PITPNM2: variants seen among roughly 807,000 people sequenced by gnomAD.
PITPNM2 encodes the protein phosphatidylinositol transfer protein membrane associated 2.
In PITPNM2, 35 loss-of-function variants were observed where a neutral mutation model predicts 132.2. That is an observed-to-expected ratio of 0.26 (90% CI 0.20 to 0.35). The LOEUF (loss-of-function observed/expected upper bound fraction) is 0.35. PITPNM2 is among the 10% of genes least tolerant of loss of function. The pLI is 1.00. For synonymous variants in PITPNM2, 738 were observed against 799.2 expected, an observed-to-expected ratio of 0.92 and a Z score of 1.29; for missense variants, 1,332 against 1,912.0, an observed-to-expected ratio of 0.70 and a Z score of 5.66.
rs1464443979 is a variant in PITPNM2 at position 123,097,099 on chromosome 12, G to A, written c.-96+13286C>T. 6.6e-6 allele frequency among the ~76,000 whole-genome samples: 1 copy of A among 152,018 alleles called. No individual in the cohort carries two copies. Among genetic ancestry groups the A allele is most frequent in the African/African-American group, 2.4e-5 (1 of 41,376 alleles). On this transcript the variant is annotated intron_variant, in intron 2 of 25. Transcript: ENST00000320201. The surrounding 1 kb of genome is among the most constrained non-coding windows in gnomAD (Gnocchi z 4.7). ...CTCTTGTCGCCCAGGTTTGAGTGCA[G>A]TGGCACGATCTTGGCTTGCTGCAAC...
chr12:123,075,305 T>A (rs990155955), intron 2 of PITPNM2, among the ~76,000 whole-genome samples: 1 of 152,236 alleles, frequency 6.6e-6, no homozygotes, highest in African/African-American at 2.4e-5. Flanking sequence ...ACCAACAGAC[T>A]TTTTCAAAGC....
chr12:122,997,363 G>A lies in PITPNM2; in HGVS notation c.1434C>T (p.Cys478=), dbSNP rs2038474629. 1.9e-6 allele frequency: 3 copies of A among 1,613,262 alleles called. No homozygotes were observed. The African/African-American group carries it at 4.0e-5, about 22-fold the overall frequency. The change falls in exon 11 of 26, where the codon TGC becomes TGT. Residue 478 remains cysteine (C), a synonymous_variant. Coordinates refer to ENST00000320201, the MANE Select transcript of PITPNM2 (RefSeq NM_020845.3). ...LGRLAIRLVP[C]PPVCSDAFAL... is the part of the protein sequence containing the mutation. The stretch of plus-strand genomic sequence containing the variant: ...CAAAGGCGTCAGAGCAGACGGGCGG[G>A]CAGGGCACCAGGCGGATGGCAAGGC...
chr12:122,988,440 G>C (rs1353806924), intron 19 of PITPNM2, 90 bp from the exon 20 acceptor site: 1 of 1,131,484 alleles, frequency 8.8e-7, no homozygotes, highest in Non-Finnish European at 1.3e-6. Context: ...CCGGGAGCAA[G>C]AGGAGCCTGT....
rs2037826650 is a variant in PITPNM2 at position 122,983,891 on chromosome 12, T to C, written c.*2136A>G. The C allele has an allele frequency of 6.5e-6, 1 of 152,696 alleles. No homozygotes were observed. The allele number at this position is 152,696 out of a possible 1,614,324, so 9.5% of individuals were successfully genotyped here. On this transcript the variant is annotated 3_prime_UTR_variant, in exon 26 of 26. Coordinates refer to ENST00000320201, the MANE Select transcript of PITPNM2 (RefSeq NM_020845.3). Reference sequence around the variant, plus strand: ...AGCCCTGCAGCTCAGCACCCAACTCTGTAAACATTTTTGGTATTTTTAAAG... The same window carrying C: ...AGCCCTGCAGCTCAGCACCCAACTCCGTAAACATTTTTGGTATTTTTAAAG...
intron 1 of PITPNM2, among the ~76,000 whole-genome samples, chr12:123,126,027 G>A (rs371589112): frequency 6.6e-6 from 1 of 150,640 alleles, no homozygotes; most frequent in African/African-American, 2.4e-5. Flanking sequence ...CCGCCACCAC[G>A]CCCAGCTAAT....
chr12:122,988,778 G>C lies in PITPNM2; in HGVS notation c.2826C>G (p.Leu942=). ...TTGACTCCCAGTAGCTGGCGTGGAAGAGGTGAGGCAGAGCCACCGTGGGGA... is the reference window on the plus strand; with the variant it reads ...TTGACTCCCAGTAGCTGGCGTGGAACAGGTGAGGCAGAGCCACCGTGGGGA... ...TAFPTVALPH[L]FHASYWESTD... Residue 942 remains leucine (L), a synonymous_variant, in exon 19 of 26, where the codon CTC becomes CTG. Transcript: ENST00000320201. The C allele has an allele frequency of 6.3e-7, 1 of 1,581,326 alleles. No homozygotes were observed.
At chr12:123,028,706 C>A (rs189339979) in intron 3 of PITPNM2, among the ~76,000 whole-genome samples, 1 of 152,194 alleles carries the variant, frequency 6.6e-6, no homozygotes, top group Non-Finnish European at 1.5e-5. Flanking sequence ...TTCTGACGTA[C>A]GTTCACACTT....
At chr12:123,087,044 G>A (rs1010074346) in intron 2 of PITPNM2, among the ~76,000 whole-genome samples, 4 of 152,178 alleles carry the variant, frequency 2.6e-5, no homozygotes, top group African/African-American at 9.7e-5. Context: ...AAGGGAAGAA[G>A]TATCTCCATG....
chr12:123,136,179 G>A (rs1475772333), intron 1 of PITPNM2, among the ~76,000 whole-genome samples: 2 of 151,880 alleles, frequency 1.3e-5, no homozygotes, highest in African/African-American at 4.8e-5. Flanking sequence ...GCAGTTACCT[G>A]TAGTCCCAGC....
chr12:123,026,092 C>G (rs114956145), intron 3 of PITPNM2, among the ~76,000 whole-genome samples: 2 of 152,314 alleles, frequency 1.3e-5, no homozygotes, highest in African/African-American at 4.8e-5. Context: ...TCTTATTGAA[C>G]AAATAAATGA....
chr12:122,991,955 C>A, intron 16 of PITPNM2: 1 of 1,289,530 alleles, frequency 7.8e-7, no homozygotes, highest in East Asian at 2.8e-5. Context: ...ATGGGCCATC[C>A]AGACACGCTC....
At chr12:123,051,833 CT>C (rs2136657583) in intron 2 of PITPNM2, among the ~76,000 whole-genome samples, 1 of 152,234 alleles carries the variant, frequency 6.6e-6, no homozygotes, top group African/African-American at 2.4e-5. Flanking sequence ...TCTGCGATCA[CT>C]CTAAATTCTC....
chr12:123,004,401 A>G lies in PITPNM2; in HGVS notation c.1041T>C (p.Asp347=), dbSNP rs758764877. 7.4e-6 allele frequency: 12 copies of G among 1,613,782 alleles called. No individual in the cohort carries two copies. Among genetic ancestry groups the G allele is most frequent in the South Asian group, 2.2e-5 (2 of 91,092 alleles). ...SDESSDDEFF[D]AHEDLSDTEE... ...AGAGCGCTGCCTGCCTACCGTGCGC[A>G]TCGAAGAACTCATCATCTGAGCTCT... is the stretch of plus-strand genomic sequence containing the variant. Residue 347 remains aspartate, a synonymous_variant, in exon 8 of 26, where the codon GAT becomes GAC. Transcript: ENST00000320201. The surrounding 1 kb of genome is among the most constrained non-coding windows in gnomAD (Gnocchi z 4.9).
chr12:123,063,994 C>T (rs2041332647), intron 2 of PITPNM2, among the ~76,000 whole-genome samples: 2 of 151,934 alleles, frequency 1.3e-5, no homozygotes, highest in African/African-American at 4.8e-5. Context: ...CAAGCAACAG[C>T]AGCAGCCGCT....
chr12:123,117,153 TG>T lies in PITPNM2; in HGVS notation c.-199-6666del, dbSNP rs898360086. 9.1e-4 allele frequency among the ~76,000 whole-genome samples: 138 copies of T among 152,224 alleles called. No homozygotes were observed. Among genetic ancestry groups the T allele is most frequent in the African/African-American group, 2.8e-3 (118 of 41,452 alleles). On this transcript the variant is annotated intron_variant, in intron 1 of 25. Coordinates refer to ENST00000320201, the MANE Select transcript of PITPNM2 (RefSeq NM_020845.3). This position sits in a 1 kb window ranked among gnomAD's most constrained non-coding sequence, Gnocchi z 4.7. Reference sequence around the variant, plus strand: ...TTGTATCCTCACATATGAGAGTTGCTGAGAGACGTTAGTGCTTAAATGAGTC... The same window carrying T: ...TTGTATCCTCACATATGAGAGTTGCTAGAGACGTTAGTGCTTAAATGAGTC...
At chr12:123,024,054 G>A (rs1035386180) in intron 3 of PITPNM2, among the ~76,000 whole-genome samples, 3 of 152,078 alleles carry the variant, frequency 2.0e-5, no homozygotes, top group African/African-American at 7.2e-5. Context: ...AGGAGTTCAA[G>A]GTCAGCCTGA....
chr12:122,992,024 G>A lies in PITPNM2; in HGVS notation c.2404+475C>T, dbSNP rs1314298530. ...GACGTGACAAGACGCTGGGACACAC[G>A]CTGGGGCAGGGGTCGGGCCAAGCCT... On this transcript the variant is annotated intron_variant, in intron 16 of 25. Transcript: ENST00000320201. The surrounding 1 kb of genome is among the most constrained non-coding windows in gnomAD (Gnocchi z 6.5). 6 of 917,498 alleles carry A rather than the reference G, an allele frequency of 6.5e-6. No homozygotes were observed. The highest frequency in any genetic ancestry group is 5.3e-5 in the South Asian group (1 of 18,938). 56.8% of individuals were successfully genotyped at this position (917,498 alleles called of 1,614,324 possible).
chr12:123,085,118 G>A (rs988945452), intron 2 of PITPNM2, among the ~76,000 whole-genome samples: 1 of 152,208 alleles, frequency 6.6e-6, no homozygotes, highest in African/African-American at 2.4e-5. Flanking sequence ...GGCATGCACC[G>A]TAGAGTGCTA....
At chr12:123,030,267 C>T (rs2040034264) in intron 3 of PITPNM2, among the ~76,000 whole-genome samples, 1 of 152,216 alleles carries the variant, frequency 6.6e-6, no homozygotes, top group Non-Finnish European at 1.5e-5. Flanking sequence ...AAACTTCATA[C>T]ATTCCCAGTA....
Sources: allele counts gnomAD v4.1 joint callset (sites outside exome capture counted in the v4.1 genomes callset), GRCh38; gene constraint gnomAD v4.1.1; non-coding constraint Gnocchi (gnomAD v3.1); transcripts MANE v1.5; gene names NCBI Gene and HGNC (gene_info 2026-07-23, HGNC 2026-07-21).